ATP9B: variants seen among roughly 807,000 people sequenced by gnomAD.
ATP9B encodes the protein ATPase phospholipid transporting 9B.
Under a neutral mutation model 146.1 loss-of-function variants are expected in ATP9B, and 110 were observed. The observed-to-expected ratio is 0.75, with a 90% confidence interval of 0.65 to 0.88. ATP9B has a LOEUF of 0.88. Ranked by LOEUF, ATP9B falls within the 40% of genes least tolerant of loss-of-function variation. ATP9B has a pLI of 0.00. For synonymous variants in ATP9B, 604 were observed against 569.7 expected (o/e 1.06, Z -0.86); for missense variants, 1,499 against 1,496.4 (o/e 1.00, Z -0.03).
In ATP9B at chr18:79,069,463, C is replaced by G; in HGVS notation, c.53C>G (p.Ala18Gly). The G allele has an allele frequency of 6.6e-7, 1 of 1,508,752 alleles. No individual in the cohort carries two copies. 93.5% of individuals were successfully genotyped at this position (1,508,752 alleles called of 1,614,324 possible). A position where few individuals can be genotyped will look rare whatever the true frequency, so the allele number is the denominator to read the frequency against. ...YPVRSAAAAA[A>G]NRKRAAYYSA... ...GTGCGTAGCGCAGCGGCGGCCGCAG[C>G]CAACCGCAAACGCGCGGCCTACTAC... The change falls in exon 1 of 30, where the codon GCC becomes GGC. Residue 18 changes from alanine (A) to glycine (G), a missense_variant. Coordinates refer to ENST00000426216, the MANE Select transcript of ATP9B (RefSeq NM_198531.5).
At chr18:79,352,937 G>C (rs570680055) in intron 25 of ATP9B, 2 of 152,214 alleles carry the variant, frequency 1.3e-5, no homozygotes, top group Non-Finnish European at 2.9e-5. Context: ...TCAACTCAAC[G>C]ATCAGACAGA....
intron 8 of ATP9B, among the ~76,000 whole-genome samples, chr18:79,186,743 T>C (rs897117571): frequency 6.6e-6 from 1 of 152,258 alleles, no homozygotes. Flanking sequence ...TCTAAGCTAC[T>C]ATAACAGTTG....
intron 14 of ATP9B, among the ~76,000 whole-genome samples, chr18:79,304,506 A>C (rs304938): frequency 6.6e-6 from 1 of 152,226 alleles, no homozygotes; most frequent in African/African-American, 2.4e-5. Context: ...AAAAAGCTTC[A>C]AGTTTTAGAA....
At chr18:79,161,456 G>C (rs1223241650) in intron 7 of ATP9B, among the ~76,000 whole-genome samples, 2 of 152,140 alleles carry the variant, frequency 1.3e-5, no homozygotes, top group African/African-American at 2.4e-5. Context: ...TTAGGGCCCT[G>C]CTGTAGTTTG....
intron 15 of ATP9B, among the ~76,000 whole-genome samples, chr18:79,311,887 C>T (rs536791258): frequency 6.6e-6 from 1 of 152,334 alleles, no homozygotes; most frequent in East Asian, 1.9e-4. Context: ...ATCACCGGAG[C>T]TTCTGTGTTT....
At chr18:79,306,943 T>C (rs771294689) in intron 14 of ATP9B, 43 bp from the exon 15 acceptor site, 1 of 1,602,224 alleles carries the variant, frequency 6.2e-7, no homozygotes, top group South Asian at 1.1e-5. Flanking sequence ...TAGATAGTTC[T>C]CTTTGCTCTA....
chr18:79,158,414 T>G (rs1600029369), intron 7 of ATP9B, among the ~76,000 whole-genome samples: 1 of 152,204 alleles, frequency 6.6e-6, no homozygotes, highest in East Asian at 1.9e-4. Flanking sequence ...GCCTCCCAGG[T>G]AGCTAGCAAT....
At chr18:79,215,543 A>G (rs1314653862) in intron 11 of ATP9B, among the ~76,000 whole-genome samples, 1 of 152,248 alleles carries the variant, frequency 6.6e-6, no homozygotes, top group Admixed American at 6.5e-5. Context: ...TGCATTTCAA[A>G]TATATGCAAG....
At position 79,274,508 on chromosome 18, in the gene ATP9B, GCA is replaced by G. The variant is rs1300983871; in HGVS notation, c.1269-2545_1269-2544del. Reference sequence around the variant, plus strand: ...ATATGTGCCCTATGTGGTAGTATATGCATCCTATGTAGTATTACATACTCCCT... The same window carrying G: ...ATATGTGCCCTATGTGGTAGTATATGTCCTATGTAGTATTACATACTCCCT... On this transcript the variant is annotated intron_variant, in intron 12 of 29. Transcript: ENST00000426216. Among the ~76,000 whole-genome samples, 702 of 152,184 alleles carry G rather than the reference GCA, an allele frequency of 4.6e-3. 9 individuals are homozygous for G. Among genetic ancestry groups the G allele is most frequent in the African/African-American group, 0.016 (674 of 41,522 alleles).
intron 7 of ATP9B, among the ~76,000 whole-genome samples, chr18:79,160,776 G>A (rs2094867163): frequency 6.6e-6 from 1 of 151,616 alleles, no homozygotes; most frequent in African/African-American, 2.4e-5. Flanking sequence ...TTGTTTGTTT[G>A]TTTTTTCTCT....
chr18:79,097,325 A>G (rs2074873530), intron 2 of ATP9B, among the ~76,000 whole-genome samples: 1 of 151,316 alleles, frequency 6.6e-6, no homozygotes, highest in East Asian at 1.9e-4. Context: ...ATTCACCTAT[A>G]TTTTTCCCCA....
intron 8 of ATP9B, among the ~76,000 whole-genome samples, chr18:79,177,553 A>T (rs1270354703): frequency 6.6e-6 from 1 of 151,812 alleles, no homozygotes; most frequent in Non-Finnish European, 1.5e-5. Context: ...ATAAATTTTT[A>T]TTTCTTATTT....
intron 7 of ATP9B, among the ~76,000 whole-genome samples, chr18:79,167,524 G>A (rs2094989572): frequency 6.6e-6 from 1 of 151,960 alleles, no homozygotes; most frequent in Non-Finnish European, 1.5e-5. Flanking sequence ...CCGCAGGCAG[G>A]TTGGCTTGTG....
chr18:79,175,227 A>G (rs2095145847), intron 7 of ATP9B, among the ~76,000 whole-genome samples: 1 of 151,246 alleles, frequency 6.6e-6, no homozygotes, highest in Non-Finnish European at 1.5e-5. Context: ...AAAAAAAAAC[A>G]TCAAAACTTT....
At chr18:79,160,204 C>T (rs756257893) in intron 7 of ATP9B, among the ~76,000 whole-genome samples, 2 of 152,090 alleles carry the variant, frequency 1.3e-5, no homozygotes, top group African/African-American at 2.4e-5. Context: ...TAGTGATTGC[C>T]GCAGGGATTT....
chr18:79,180,975 G>T lies in ATP9B; in HGVS notation c.873+4068G>T, dbSNP rs867235038. On this transcript the variant is annotated intron_variant, in intron 8 of 29. Coordinates refer to ENST00000426216, the MANE Select transcript of ATP9B (RefSeq NM_198531.5). ...ACGCCCGGCTAATTTTTGTTTTTTT[G>T]TTTTTTTTTTTTTTAAGTGGAGACG... Among the ~76,000 whole-genome samples, 181 of 140,670 alleles carry T rather than the reference G, an allele frequency of 1.3e-3. 1 individual carries two copies. Among genetic ancestry groups the T allele is most frequent in the Middle Eastern group, 7.2e-3 (2 of 278 alleles). 92.3% of individuals were successfully genotyped at this position (140,670 alleles called of 152,430 possible).
At chr18:79,183,678 A>G (rs778517515) in intron 8 of ATP9B, among the ~76,000 whole-genome samples, 2 of 150,976 alleles carry the variant, frequency 1.3e-5, no homozygotes, top group African/African-American at 4.9e-5. Flanking sequence ...TGCTTTGACT[A>G]TTTCTACTCA....
chr18:79,110,597 G>T, intron 3 of ATP9B, 92 bp downstream of exon 3: 1 of 1,260,842 alleles, frequency 7.9e-7, no homozygotes, highest in Non-Finnish European at 1.1e-6. Context: ...CTCTGACTTA[G>T]GTATTGAGTT....
intron 17 of ATP9B, 22 bp from the exon 18 acceptor site, chr18:79,336,606 G>C: frequency 6.2e-7 from 1 of 1,612,106 alleles, no homozygotes; most frequent in Non-Finnish European, 8.5e-7. Flanking sequence ...GCCCACCTGT[G>C]ACTCGGCCTC....
Sources: allele counts gnomAD v4.1 joint callset (sites outside exome capture counted in the v4.1 genomes callset), GRCh38; gene constraint gnomAD v4.1.1; transcripts MANE v1.5; gene names NCBI Gene and HGNC (gene_info 2026-07-23, HGNC 2026-07-21).